PCDHGA1: variants seen among roughly 807,000 people sequenced by gnomAD.
The protein encoded by PCDHGA1 is protocadherin gamma subfamily A, 1, also known as protocadherin gamma-A1.
PCDHGA1 carries 32 observed loss-of-function variants against 58.0 expected under a neutral mutation model. The ratio of observed to expected loss-of-function variants is 0.55; its 90% CI spans 0.42 to 0.74. The LOEUF (loss-of-function observed/expected upper bound fraction) is 0.74, where lower values mean the gene tolerates loss of function less well. PCDHGA1 is among the 30% of genes least tolerant of loss of function. The pLI, the probability that PCDHGA1 is intolerant of heterozygous loss-of-function variation, is 0.00. For missense variants in PCDHGA1, 1,205 were observed against 1,182.3 expected, an observed-to-expected ratio of 1.02 and a Z score of -0.28; for synonymous variants, 498 against 501.1, an observed-to-expected ratio of 0.99 and a Z score of 0.08.
chr5:141,335,159 T>A (rs1756552933), intron 1 of PCDHGA1, among the ~76,000 whole-genome samples: 1 of 152,218 alleles, frequency 6.6e-6, no homozygotes, highest in African/African-American at 2.4e-5. Flanking sequence ...TCTCAATTGA[T>A]AACTAAGTTA....
At chr5:141,360,803 G>A (rs1392769200) in intron 1 of PCDHGA1, 1 of 1,613,926 alleles carries the variant, frequency 6.2e-7, no homozygotes, top group Admixed American at 1.7e-5. Flanking sequence ...CCACCTCAAA[G>A]TGGCACGACC....
chr5:141,469,618 T>C (rs1284372508), intron 1 of PCDHGA1, among the ~76,000 whole-genome samples: 1 of 152,148 alleles, frequency 6.6e-6, no homozygotes, highest in Non-Finnish European at 1.5e-5. Context: ...ATAAAATAAA[T>C]GTTTGTAGTT....
chr5:141,355,952 T>C, intron 1 of PCDHGA1: 1 of 1,613,896 alleles, frequency 6.2e-7, no homozygotes, highest in Non-Finnish European at 8.5e-7. Flanking sequence ...CACGTAAGTG[T>C]TCGTGAGAAC....
rs1762963941 is a variant in PCDHGA1, at chr5:141,363,537, C to T, written c.2421+30432C>T. 2.0e-5 allele frequency among the ~76,000 whole-genome samples: 3 copies of T among 152,150 alleles called. No homozygotes were observed. The South Asian group carries it at 6.2e-4, about 32-fold the overall frequency. On this transcript the variant is annotated intron_variant, in intron 1 of 3. Coordinates refer to ENST00000517417, the MANE Select transcript of PCDHGA1 (RefSeq NM_018912.3). ...GTTACTATACTGGTTGTCACTGGAA[C>T]TACAAATATTTGAACATGGTAATAG...
At chr5:141,385,479 T>A in intron 1 of PCDHGA1, 6 of 1,429,214 alleles carry the variant, frequency 4.2e-6, no homozygotes, top group Non-Finnish European at 5.5e-6. Flanking sequence ...CACTTTAATA[T>A]AGAACACATA....
intron 1 of PCDHGA1, chr5:141,404,668 T>C: frequency 6.2e-7 from 1 of 1,614,148 alleles, no homozygotes; most frequent in Non-Finnish European, 8.5e-7. Flanking sequence ...CTGATGGTTC[T>C]ACTGGTGTGG....
chr5:141,387,780 G>T, intron 1 of PCDHGA1: 2 of 1,461,128 alleles, frequency 1.4e-6, no homozygotes, highest in Admixed American at 2.6e-5. Flanking sequence ...TCTTGAACTG[G>T]AACTGCAACT....
Position 141,364,517 on chromosome 5 carries a change from G to A in PCDHGA1, c.2421+31412G>A, listed in dbSNP as rs1264187226. Reference sequence around the variant, plus strand: ...GGAGCCCCAGGAGCTGGCGGAGCGCGGAGTCCGCATCGTCTCCAGAGGTAG... The same window carrying A: ...GGAGCCCCAGGAGCTGGCGGAGCGCAGAGTCCGCATCGTCTCCAGAGGTAG... On this transcript the variant is annotated intron_variant, in intron 1 of 3. Transcript: ENST00000517417. 10 of 1,613,912 alleles carry A rather than the reference G, an allele frequency of 6.2e-6. No homozygotes were observed. Among genetic ancestry groups the A allele is most frequent in the Non-Finnish European group, 7.6e-6 (9 of 1,179,914 alleles).
At chr5:141,469,994 C>T (rs948868787) in intron 1 of PCDHGA1, among the ~76,000 whole-genome samples, 2 of 151,830 alleles carry the variant, frequency 1.3e-5, no homozygotes, top group Non-Finnish European at 1.5e-5. Flanking sequence ...AGCTGGTCGT[C>T]GTGGCACGCC....
At chr5:141,360,395 G>A in intron 1 of PCDHGA1, 1 of 1,613,930 alleles carries the variant, frequency 6.2e-7, no homozygotes, top group South Asian at 1.1e-5. Flanking sequence ...TTACTTGTGA[G>A]TGACAGAATA....
intron 1 of PCDHGA1, chr5:141,376,074 T>C (rs1309324229): frequency 6.2e-6 from 10 of 1,613,500 alleles, no homozygotes; most frequent in South Asian, 1.1e-5. Flanking sequence ...ACCGTGGCCG[T>C]GGCCGACAGG....
At chr5:141,481,732 T>G (rs549671056) in intron 1 of PCDHGA1, among the ~76,000 whole-genome samples, 33 of 151,884 alleles carry the variant, frequency 2.2e-4, no homozygotes, top group Non-Finnish European at 4.3e-4. Context: ...GGCGGGCGGA[T>G]CACGAGGTCA....
At chr5:141,358,377 A>G (rs988278007) in intron 1 of PCDHGA1, among the ~76,000 whole-genome samples, 1 of 152,136 alleles carries the variant, frequency 6.6e-6, no homozygotes, top group African/African-American at 2.4e-5. Context: ...TTCACACTCT[A>G]CCATGCTTTG....
chr5:141,384,296 C>T (rs763513374), intron 1 of PCDHGA1: 5 of 1,613,712 alleles, frequency 3.1e-6, no homozygotes, highest in Middle Eastern at 1.6e-4. Flanking sequence ...GAGAACAACC[C>T]CAGAGGGGCC....
rs888556794 is a variant in PCDHGA1 at position 141,493,414 on chromosome 5, A to T, written c.2422-1393A>T. Among the ~76,000 whole-genome samples, 2 of 152,058 alleles carry T rather than the reference A, an allele frequency of 1.3e-5. No individual in the cohort carries two copies. Among genetic ancestry groups the T allele is most frequent in the Admixed American group, 6.6e-5 (1 of 15,248 alleles). ...GGAGAGGGGAGTTGCCTCTGCTGGG[A>T]TTTTGCTTCTGCTGGGATGGGGCAA... On this transcript the variant is annotated intron_variant, in intron 1 of 3. Coordinates refer to ENST00000517417, the MANE Select transcript of PCDHGA1 (RefSeq NM_018912.3). The surrounding 1 kb of genome is among the most constrained non-coding windows in gnomAD (Gnocchi z 4.3).
chr5:141,399,910 G>C, intron 1 of PCDHGA1: 1 of 1,612,438 alleles, frequency 6.2e-7, no homozygotes, highest in Non-Finnish European at 8.5e-7. Context: ...CGCAGACTCA[G>C]GACACAACGC....
At position 141,432,950 on chromosome 5, in the gene PCDHGA1, G is replaced by A. The variant is rs750033444; in HGVS notation, c.2422-61857G>A. 9.9e-6 allele frequency: 16 copies of A among 1,614,190 alleles called. No individual in the cohort carries two copies. The highest frequency in any genetic ancestry group is 1.3e-5 in the African/African-American group (1 of 75,060). ...ACGCCTGCTGCAGGCTTCAGGAGGC[G>A]GCTTGACAGGAGCGCCGGCGTCGCA... is the stretch of plus-strand genomic sequence containing the variant. On this transcript the variant is annotated intron_variant, in intron 1 of 3. Coordinates refer to ENST00000517417, the MANE Select transcript of PCDHGA1 (RefSeq NM_018912.3). This position sits in a 1 kb window ranked among gnomAD's most constrained non-coding sequence, Gnocchi z 6.0.
Position 141,370,437 on chromosome 5 carries a change from C to A in PCDHGA1, c.2421+37332C>A, listed in dbSNP as rs770648794. ...ATGGAGGGGCCCAGCAGGGCAGAGG[C>A]GAATGCTATTTCTCTTCCTGCTCTC... On this transcript the variant is annotated intron_variant, in intron 1 of 3. Coordinates refer to ENST00000517417, the MANE Select transcript of PCDHGA1 (RefSeq NM_018912.3). 1.6e-5 allele frequency: 26 copies of A among 1,603,674 alleles called. No individual in the cohort carries two copies. In the East Asian group the frequency reaches 5.6e-4, roughly 34 times the overall value.
intron 1 of PCDHGA1, chr5:141,385,358 T>C (rs1470867728): frequency 6.5e-7 from 1 of 1,546,418 alleles, no homozygotes; most frequent in Non-Finnish European, 8.7e-7. Flanking sequence ...CCATGAGGAA[T>C]TTATTTGCAT....
Sources: gnomAD v4.1 joint callset for allele counts (sites outside exome capture counted in the v4.1 genomes callset) on GRCh38, gnomAD v4.1.1 for gene constraint, Gnocchi (gnomAD v3.1) non-coding constraint, MANE v1.5 for transcripts, NCBI Gene and HGNC (gene_info 2026-07-23, HGNC 2026-07-21) for gene names.